Variants in HES2 observed in about 807,000 individuals in gnomAD.
HES2 encodes hes family bHLH transcription factor 2, also known as transcription factor HES-2.
A neutral mutation model predicts 11.9 loss-of-function variants in HES2; 11 were observed. The observed-to-expected ratio is 0.92, with a 90% CI of 0.58 to 1.53. The LOEUF (loss-of-function observed/expected upper bound fraction) is 1.53, where lower values mean the gene tolerates loss of function less well. Among genes scored for constraint, HES2 ranks in the 40% most tolerant of loss-of-function variants. HES2 has a pLI of 0.00. For synonymous variants in HES2, 125 were observed against 122.8 expected (o/e 1.02, Z -0.12); for missense variants, 260 against 253.8 (o/e 1.02, Z -0.16).
rs917333034 is a variant in HES2, at chr1:6,415,330, T to C, written c.*3543A>G. 1 of 152,056 alleles carries C rather than the reference T, an allele frequency of 6.6e-6. No individual in the cohort carries two copies. The highest frequency in any genetic ancestry group is 2.4e-5 in the African/African-American group (1 of 41,356). 9.4% of individuals were successfully genotyped at this position (152,056 alleles called of 1,614,324 possible). On this transcript the variant is annotated 3_prime_UTR_variant, in exon 4 of 4. Transcript: ENST00000377834. ...GTAACTCCAGAGTCAAGCAAGTCTA[T>C]TGGCAACATTTTCCCACGAGCATGT...
At position 6,417,445 on chromosome 1, in the gene HES2, T is replaced by C. The variant is rs1466498345; in HGVS notation, c.*1428A>G. ...AGCCATGAAATGACGGGTGTTTGCC[T>C]GACTATGATTTCATGAATCCCCCAT... On this transcript the variant is annotated 3_prime_UTR_variant, in exon 4 of 4. Transcript: ENST00000377834. 2 of 151,000 alleles carry C rather than the reference T, an allele frequency of 1.3e-5. No homozygotes were observed. The highest frequency in any genetic ancestry group is 4.9e-5 in the African/African-American group (2 of 40,702). The allele number at this position is 151,000 out of a possible 1,614,324, so 9.4% of individuals were successfully genotyped here.
In HES2 at chr1:6,419,220, G is replaced by T. The variant is rs1371110487; in HGVS notation, c.241+21C>A. 3 of 1,602,278 alleles carry T rather than the reference G, an allele frequency of 1.9e-6. No homozygotes were observed. Among genetic ancestry groups the T allele is most frequent in the Non-Finnish European group, 1.7e-6 (2 of 1,177,026 alleles). On this transcript the variant is annotated intron_variant, in intron 3 of 3. Transcript: ENST00000377834. This position sits in a 1 kb window ranked among gnomAD's most constrained non-coding sequence, Gnocchi z 8.1. ...GGTGCGGGGTGCAGAGCGCGCGGCA[G>T]GGCAGGGAGGGCTCACTCACGGGGC...
chr1:6,419,639 T>G lies in HES2; in HGVS notation c.109A>C (p.Lys37Gln), dbSNP rs1642889126. 1.3e-6 allele frequency: 2 copies of G among 1,548,814 alleles called. No homozygotes were observed. Among genetic ancestry groups the G allele is most frequent in the Non-Finnish European group, 1.7e-6 (2 of 1,150,538 alleles). Reference protein sequence around the residue: ...ARINQSLSQLKGLILPLLGRE... With the variant: ...ARINQSLSQLQGLILPLLGRE... ...CCCAGCAGCGGCAGGATGAGCCCCT[T>G]AAGCTGGCTCAGGCTCTGGTTGATG... The change falls in exon 2 of 4, where the codon AAG (lysine) becomes CAG (glutamine). Residue 37 changes from lysine to glutamine, a missense_variant. Physicochemically the swap from Lys to Gln is moderately conservative, Grantham distance 53. Transcript: ENST00000377834. This position sits in a 1 kb window ranked among gnomAD's most constrained non-coding sequence, Gnocchi z 8.1.
Position 6,418,498 on chromosome 1 carries a change from G to T in HES2, c.*375C>A, listed in dbSNP as rs1642874027. The T allele has an allele frequency of 4.9e-6, 1 of 203,084 alleles. No homozygotes were observed. Among genetic ancestry groups the T allele is most frequent in the Non-Finnish European group, 9.8e-6 (1 of 102,386 alleles). 12.6% of individuals were successfully genotyped at this position (203,084 alleles called of 1,614,324 possible). ...GGGTGCACGGCTGCACTTTGCCCAG[G>T]TCCTGGCTCTGGCTCTGGTCTGGTG... On this transcript the variant is annotated 3_prime_UTR_variant, in exon 4 of 4. Transcript: ENST00000377834.
Position 6,419,634 on chromosome 1 carries a change from C to A in HES2, c.114G>T (p.Gly38=). Residue 38 remains glycine, a synonymous_variant, in exon 2 of 4, where the codon GGG becomes GGT. Coordinates refer to ENST00000377834, the MANE Select transcript of HES2 (RefSeq NM_019089.5). This position sits in a 1 kb window ranked among gnomAD's most constrained non-coding sequence, Gnocchi z 8.1. Reference sequence around the variant, plus strand: ...CCCGGCCCAGCAGCGGCAGGATGAGCCCCTTAAGCTGGCTCAGGCTCTGGT... The same window carrying A: ...CCCGGCCCAGCAGCGGCAGGATGAGACCCTTAAGCTGGCTCAGGCTCTGGT... ...RINQSLSQLK[G]LILPLLGREN... 6.5e-7 allele frequency: 1 copy of A among 1,545,370 alleles called. No homozygotes were observed. The highest frequency in any genetic ancestry group is 8.7e-7 in the Non-Finnish European group (1 of 1,148,832).
chr1:6,419,644 T>C lies in HES2; in HGVS notation c.104A>G (p.Gln35Arg). ...RRARINQSLSQLKGLILPLLG... is the reference protein window; with the variant it reads ...RRARINQSLSRLKGLILPLLG... ...CAGCGGCAGGATGAGCCCCTTAAGC[T>C]GGCTCAGGCTCTGGTTGATGCGCGC... Residue 35 changes from glutamine to arginine, a missense_variant, in exon 2 of 4, where the codon CAG (glutamine) becomes CGG (arginine). Coordinates refer to ENST00000377834, the MANE Select transcript of HES2 (RefSeq NM_019089.5). This position sits in a 1 kb window ranked among gnomAD's most constrained non-coding sequence, Gnocchi z 8.1. The C allele has an allele frequency of 6.4e-7, 1 of 1,551,646 alleles. No individual in the cohort carries two copies. The highest frequency in any genetic ancestry group is 1.2e-5 in the South Asian group (1 of 84,342).
At position 6,418,925 on chromosome 1, in the gene HES2, A is replaced by C. The variant is rs903014448; in HGVS notation, c.470T>G (p.Val157Gly). The change falls in exon 4 of 4, where the codon GTG becomes GGG. Residue 157 changes from valine (V) to glycine (G), a missense_variant. Coordinates refer to ENST00000377834, the MANE Select transcript of HES2 (RefSeq NM_019089.5). ...GCAGGGAGGCGAGGGCGGCGAGGGC[A>C]CCGGAGCGGATGCGGGCTCTGGGGC... Reference protein sequence around the residue: ...ASAPEPASAPVPSPPSPPCGP... With the variant: ...ASAPEPASAPGPSPPSPPCGP... 1 of 1,319,748 alleles carries C rather than the reference A, an allele frequency of 7.6e-7. No individual in the cohort carries two copies. Among genetic ancestry groups the C allele is most frequent in the South Asian group, 2.3e-5 (1 of 43,774 alleles). The allele number at this position is 1,319,748 out of a possible 1,614,324, so 81.8% of individuals were successfully genotyped here.
Position 6,415,347 on chromosome 1 carries a change from C to G in HES2, c.*3526G>C, listed in dbSNP as rs1045438780. 6.6e-6 allele frequency: 1 copy of G among 151,704 alleles called. No homozygotes were observed. The highest frequency in any genetic ancestry group is 1.5e-5 in the Non-Finnish European group (1 of 68,006). The allele number at this position is 151,704 out of a possible 1,614,324, so 9.4% of individuals were successfully genotyped here. On this transcript the variant is annotated 3_prime_UTR_variant, in exon 4 of 4. Transcript: ENST00000377834. ...CAAGTCTATTGGCAACATTTTCCCA[C>G]GAGCATGTGCCCACTTTGTATCTGT...
At position 6,419,001 on chromosome 1, in the gene HES2, G is replaced by T; in HGVS notation, c.394C>A (p.Arg132Ser). ...RAASATLDGG[R>S]AGDSSGPSAP... is the part of the protein sequence containing the mutation. ...GACGGGCCACTGGAATCCCCAGCGCGCCCGCCGTCCAGGGTGGCGCTGGCC... is the reference window on the plus strand; with the variant it reads ...GACGGGCCACTGGAATCCCCAGCGCTCCCGCCGTCCAGGGTGGCGCTGGCC... The change falls in exon 4 of 4, where the codon CGC (arginine) becomes AGC (serine). Residue 132 changes from arginine (R) to serine (S), a missense_variant. Transcript: ENST00000377834. The surrounding 1 kb of genome is among the most constrained non-coding windows in gnomAD (Gnocchi z 8.1). 2.2e-6 allele frequency: 3 copies of T among 1,369,148 alleles called. No individual in the cohort carries two copies. The highest frequency in any genetic ancestry group is 2.8e-6 in the Non-Finnish European group (3 of 1,072,082). 84.8% of individuals were successfully genotyped at this position (1,369,148 alleles called of 1,614,324 possible).
Position 6,419,844 on chromosome 1 carries a change from C to A in HES2, c.-24G>T, listed in dbSNP as rs866752443. 1 of 1,534,198 alleles carries A rather than the reference C, an allele frequency of 6.5e-7. No individual in the cohort carries two copies. The highest frequency in any genetic ancestry group is 1.2e-5 in the South Asian group (1 of 81,028). On this transcript the variant is annotated 5_prime_UTR_variant, in exon 1 of 4. Coordinates refer to ENST00000377834, the MANE Select transcript of HES2 (RefSeq NM_019089.5). This position sits in a 1 kb window ranked among gnomAD's most constrained non-coding sequence, Gnocchi z 8.1. ...ATGCTCCGCGGGGAAGCGGTGGCAGCTGCGAGCCCCACGCAAAGGGAAACC... is the reference window on the plus strand; with the variant it reads ...ATGCTCCGCGGGGAAGCGGTGGCAGATGCGAGCCCCACGCAAAGGGAAACC...
chr1:6,419,857 G>A lies in HES2; in HGVS notation c.-37C>T, dbSNP rs762015094. ...AAGCGGTGGCAGCTGCGAGCCCCAC[G>A]CAAAGGGAAACCGAGGTCCGAAATG... On this transcript the variant is annotated 5_prime_UTR_variant, in exon 1 of 4. Transcript: ENST00000377834. This position sits in a 1 kb window ranked among gnomAD's most constrained non-coding sequence, Gnocchi z 8.1. The A allele has an allele frequency of 7.1e-5, 108 of 1,527,088 alleles. 1 individual carries two copies. Among genetic ancestry groups the A allele is most frequent in the South Asian group, 1.0e-4 (8 of 80,260 alleles). 94.6% of individuals were successfully genotyped at this position (1,527,088 alleles called of 1,614,324 possible).
Position 6,419,546 on chromosome 1 carries a change from C to T in HES2, c.141+61G>A, listed in dbSNP as rs2148495479. 7.2e-7 allele frequency: 1 copy of T among 1,398,116 alleles called. No individual in the cohort carries two copies. 86.6% of individuals were successfully genotyped at this position (1,398,116 alleles called of 1,614,324 possible). On this transcript the variant is annotated intron_variant, in intron 2 of 3. Transcript: ENST00000377834. The surrounding 1 kb of genome is among the most constrained non-coding windows in gnomAD (Gnocchi z 8.1). ...GGTGGGTTCCTCCCGCAGGAGCACC[C>T]CGTCCCCCTGCCCCCGCTCCGCGCC...
In HES2 at chr1:6,419,719, C is replaced by A; in HGVS notation, c.46-17G>T. ...CTTCAGGCTCTGCGGACGGGCGGCG[C>A]GGTGGTTAGACGGGTCCCCGGAGTC... On this transcript the variant is annotated splice_polypyrimidine_tract_variant and intron_variant, in intron 1 of 3. Transcript: ENST00000377834. This position sits in a 1 kb window ranked among gnomAD's most constrained non-coding sequence, Gnocchi z 8.1. 6.4e-7 allele frequency: 1 copy of A among 1,551,416 alleles called. No homozygotes were observed. The highest frequency in any genetic ancestry group is 8.7e-7 in the Non-Finnish European group (1 of 1,151,456).
rs1275456288 is a variant in HES2 at position 6,417,842 on chromosome 1, C to G, written c.*1031G>C. 6.6e-6 allele frequency: 1 copy of G among 152,310 alleles called. No individual in the cohort carries two copies. Among genetic ancestry groups the G allele is most frequent in the Non-Finnish European group, 1.5e-5 (1 of 68,100 alleles). 9.4% of individuals were successfully genotyped at this position (152,310 alleles called of 1,614,324 possible). A position where few individuals can be genotyped will look rare whatever the true frequency, so the allele number is the denominator to read the frequency against. On this transcript the variant is annotated 3_prime_UTR_variant, in exon 4 of 4. Transcript: ENST00000377834. ...CAGGTGATCCACCCGCCTTGGCCTC[C>G]CAAAGTGCTGGGATTACAGGCGTGA...
rs1366201282 is a variant in HES2 at position 6,416,854 on chromosome 1, G to A, written c.*2019C>T. 1 of 152,334 alleles carries A rather than the reference G, an allele frequency of 6.6e-6. No individual in the cohort carries two copies. Among genetic ancestry groups the A allele is most frequent in the African/African-American group, 2.4e-5 (1 of 41,458 alleles). 9.4% of individuals were successfully genotyped at this position (152,334 alleles called of 1,614,324 possible). A position where few individuals can be genotyped will look rare whatever the true frequency, so the allele number is the denominator to read the frequency against. ...GAGGCTCACAAAGGCAGTGCCAACA[G>A]GCGCTCATTCTCAGCAATGGGTGAA... On this transcript the variant is annotated 3_prime_UTR_variant, in exon 4 of 4. Coordinates refer to ENST00000377834, the MANE Select transcript of HES2 (RefSeq NM_019089.5).
In HES2 at chr1:6,419,751, C is replaced by T; in HGVS notation, c.45+25G>A. ...TAGACGGGTCCCCGGAGTCCCCAGCCCCGCCCCCAGTCCCCGGTACCCACC... is the reference window on the plus strand; with the variant it reads ...TAGACGGGTCCCCGGAGTCCCCAGCTCCGCCCCCAGTCCCCGGTACCCACC... On this transcript the variant is annotated intron_variant, in intron 1 of 3. Coordinates refer to ENST00000377834, the MANE Select transcript of HES2 (RefSeq NM_019089.5). The surrounding 1 kb of genome is among the most constrained non-coding windows in gnomAD (Gnocchi z 8.1). The T allele has an allele frequency of 1.9e-6, 3 of 1,555,034 alleles. No homozygotes were observed. The highest frequency in any genetic ancestry group is 2.4e-5 in the South Asian group (2 of 84,296).
chr1:6,419,647 C>T lies in HES2; in HGVS notation c.101G>A (p.Ser34Asn), dbSNP rs1271483941. Residue 34 changes from serine to asparagine, a missense_variant, in exon 2 of 4, where the codon AGC becomes AAC. Physicochemically the swap from Ser to Asn is conservative, Grantham distance 46. Transcript: ENST00000377834. The surrounding 1 kb of genome is among the most constrained non-coding windows in gnomAD (Gnocchi z 8.1). The stretch of plus-strand genomic sequence containing the variant: ...CGGCAGGATGAGCCCCTTAAGCTGG[C>T]TCAGGCTCTGGTTGATGCGCGCGCG... ...RRRARINQSL[S>N]QLKGLILPLL... 1 of 1,553,116 alleles carries T rather than the reference C, an allele frequency of 6.4e-7. No individual in the cohort carries two copies. The highest frequency in any genetic ancestry group is 1.2e-5 in the South Asian group (1 of 84,456).
In HES2 at chr1:6,419,245, C is replaced by G. The variant is rs762839492; in HGVS notation, c.237G>C (p.Ala79=). 1 of 1,608,600 alleles carries G rather than the reference C, an allele frequency of 6.2e-7. No individual in the cohort carries two copies. Among genetic ancestry groups the G allele is most frequent in the Non-Finnish European group, 8.5e-7 (1 of 1,178,638 alleles). Residue 79 remains alanine, a synonymous_variant, in exon 3 of 4, where the codon GCG becomes GCC. Coordinates refer to ENST00000377834, the MANE Select transcript of HES2 (RefSeq NM_019089.5). The surrounding 1 kb of genome is among the most constrained non-coding windows in gnomAD (Gnocchi z 8.1). ...GGGCAGGGAGGGCTCACTCACGGGGCGCTGCCGTGGGCCATGAGGACGCAG... is the reference window on the plus strand; with the variant it reads ...GGGCAGGGAGGGCTCACTCACGGGGGGCTGCCGTGGGCCATGAGGACGCAG... ...ELPASSWPTA[A]PLPCDSYREG...
Position 6,419,601 on chromosome 1 carries a change from G to A in HES2, c.141+6C>T, listed in dbSNP as rs1642888278. The stretch of plus-strand genomic sequence containing the variant: ...GACCCTCTGCCCTCCGCCCGGGCGC[G>A]CTCACCTCCCGGCCCAGCAGCGGCA... On this transcript the variant is annotated splice_donor_region_variant and intron_variant, in intron 2 of 3. Transcript: ENST00000377834. This position sits in a 1 kb window ranked among gnomAD's most constrained non-coding sequence, Gnocchi z 8.1. 3.3e-6 allele frequency: 5 copies of A among 1,528,960 alleles called. No individual in the cohort carries two copies. Among genetic ancestry groups the A allele is most frequent in the Non-Finnish European group, 4.4e-6 (5 of 1,141,876 alleles). The allele number at this position is 1,528,960 out of a possible 1,614,324, so 94.7% of individuals were successfully genotyped here. A position where few individuals can be genotyped will look rare whatever the true frequency, so the allele number is the denominator to read the frequency against.
Sources: gnomAD v4.1 joint callset for allele counts on GRCh38, gnomAD v4.1.1 for gene constraint, Gnocchi (gnomAD v3.1) non-coding constraint, MANE v1.5 for transcripts, NCBI Gene and HGNC (gene_info 2026-07-23, HGNC 2026-07-21) for gene names.